The following MEI4 variants were observed in gnomAD, a reference collection of about 807,000 sequenced individuals.
The protein encoded by MEI4 is meiosis-specific protein MEI4.
In MEI4, 27 loss-of-function variants were observed where a neutral mutation model predicts 31.4. That is an observed-to-expected ratio of 0.86 (90% CI 0.63 to 1.19). The LOEUF is 1.19. MEI4 is among the 50% of genes most tolerant of loss of function. The probability of loss-of-function intolerance (pLI) is 0.00; values close to 1 mark genes in which losing one functional copy is unlikely to be tolerated. For synonymous variants in MEI4, 122 were observed against 145.4 expected, an observed-to-expected ratio of 0.84 and a Z score of 1.16; for missense variants, 329 against 398.9, an observed-to-expected ratio of 0.82 and a Z score of 1.49.
intron 2 of MEI4, among the ~76,000 whole-genome samples, chr6:77,691,162 G>T (rs1405481350): frequency 1.3e-5 from 2 of 151,894 alleles, no homozygotes; most frequent in Non-Finnish European, 2.9e-5. Flanking sequence ...AAATCTCATT[G>T]TTCAACTTTA....
At position 77,713,446 on chromosome 6, in the gene MEI4, G is replaced by T. The variant is rs771757496; in HGVS notation, c.232+22543G>T. 2.6e-5 allele frequency among the ~76,000 whole-genome samples: 4 copies of T among 152,134 alleles called. 1 individual carries two copies. Among genetic ancestry groups the T allele is most frequent in the Admixed American group, 2.6e-4 (4 of 15,268 alleles). On this transcript the variant is annotated intron_variant, in intron 2 of 4. Coordinates refer to ENST00000684080, the MANE Select transcript of MEI4 (RefSeq NM_001322247.2). ...CTTATATAAACAACTGAATCTAGCTGTTAAGTAGATTATGTTGTGGAAAAG... is the reference window on the plus strand; with the variant it reads ...CTTATATAAACAACTGAATCTAGCTTTTAAGTAGATTATGTTGTGGAAAAG...
chr6:77,917,203 C>T (rs1006187916), intron 4 of MEI4, among the ~76,000 whole-genome samples: 1 of 151,974 alleles, frequency 6.6e-6, no homozygotes, highest in Admixed American at 6.6e-5. Context: ...CAAGTCTTTG[C>T]TATTGTGAAT....
At chr6:77,889,204 G>A (rs1279716132) in intron 4 of MEI4, among the ~76,000 whole-genome samples, 1 of 152,142 alleles carries the variant, frequency 6.6e-6, no homozygotes, top group African/African-American at 2.4e-5. Flanking sequence ...CTTTGGAACT[G>A]GGTAATAGGC....
At chr6:77,805,165 A>G (rs1366234811) in intron 3 of MEI4, among the ~76,000 whole-genome samples, 2 of 152,156 alleles carry the variant, frequency 1.3e-5, no homozygotes, top group Non-Finnish European at 2.9e-5. Flanking sequence ...AATAATATGT[A>G]AAAATATGAT....
intron 3 of MEI4, among the ~76,000 whole-genome samples, chr6:77,818,080 C>T (rs955793855): frequency 6.6e-6 from 1 of 152,052 alleles, no homozygotes; most frequent in African/African-American, 2.4e-5. Context: ...TAAATTAGAG[C>T]TAGTTTTGTG....
At chr6:77,656,625 A>G (rs1768402258) in intron 1 of MEI4, among the ~76,000 whole-genome samples, 1 of 152,224 alleles carries the variant, frequency 6.6e-6, no homozygotes, top group African/African-American at 2.4e-5. Flanking sequence ...CTGAAAGAAC[A>G]TTAGTTTCTT....
chr6:77,742,105 C>T (rs1342346242), intron 2 of MEI4, among the ~76,000 whole-genome samples: 10 of 152,028 alleles, frequency 6.6e-5, no homozygotes, highest in Admixed American at 6.6e-4. Flanking sequence ...TTTATAGCAG[C>T]ATGATTTATA....
intron 4 of MEI4, among the ~76,000 whole-genome samples, chr6:77,883,742 A>ATG (rs1554172121): frequency 2.1e-5 from 3 of 139,856 alleles, no homozygotes; most frequent in African/African-American, 8.4e-5. Context: ...ATATATATAT[A>ATG]TAACTTTGTC....
At chr6:77,908,466 G>A (rs187054970) in intron 4 of MEI4, among the ~76,000 whole-genome samples, 36 of 152,100 alleles carry the variant, frequency 2.4e-4, no homozygotes, top group Middle Eastern at 6.8e-3. Flanking sequence ...GTAGATATGC[G>A]GCATTATTTC....
At chr6:77,796,709 G>T (rs1010617813) in intron 3 of MEI4, among the ~76,000 whole-genome samples, 1 of 152,102 alleles carries the variant, frequency 6.6e-6, no homozygotes, top group Non-Finnish European at 1.5e-5. Flanking sequence ...AAAGACAAGA[G>T]TTTAAACATA....
intron 2 of MEI4, among the ~76,000 whole-genome samples, chr6:77,751,259 C>T (rs896332811): frequency 6.6e-6 from 1 of 151,738 alleles, no homozygotes; most frequent in Non-Finnish European, 1.5e-5. Flanking sequence ...CAAGAAATAA[C>T]TAAGATCAGA....
At chr6:77,828,868 C>G (rs1156463007) in intron 3 of MEI4, 63 bp from the exon 4 acceptor site, 1 of 1,191,426 alleles carries the variant, frequency 8.4e-7, no homozygotes, top group African/African-American at 1.6e-5. Context: ...GTAGTAAGGT[C>G]TTAGAAAATA....
chr6:77,746,638 CGTGTGTGTGTGTGTGTGT>C lies in MEI4; in HGVS notation c.233-14473_233-14456del, dbSNP rs5877568. ...TAAGTCAGTTTCTTAAAATATATGG[CGTGTGTGTGTGTGTGTGT>C]GTGTGTGTGTGTGTGTGTATGAATA... On this transcript the variant is annotated intron_variant, in intron 2 of 4. Coordinates refer to ENST00000684080, the MANE Select transcript of MEI4 (RefSeq NM_001322247.2). Among the ~76,000 whole-genome samples the C allele has an allele frequency of 1.5e-4, 20 of 136,656 alleles. No individual in the cohort carries two copies. The East Asian group carries it at 2.7e-3, about 18-fold the overall frequency. The allele number at this position is 136,656 out of a possible 152,430, so 89.7% of individuals were successfully genotyped here. A position where few individuals can be genotyped will look rare whatever the true frequency, so the allele number is the denominator to read the frequency against.
intron 3 of MEI4, among the ~76,000 whole-genome samples, chr6:77,790,702 C>T (rs1452060654): frequency 6.6e-6 from 1 of 152,016 alleles, no homozygotes; most frequent in African/African-American, 2.4e-5. Context: ...CATGATCATA[C>T]TGTGAAAAGT....
chr6:77,688,908 G>T (rs561274457), intron 1 of MEI4, among the ~76,000 whole-genome samples: 8 of 152,180 alleles, frequency 5.3e-5, no homozygotes, highest in Middle Eastern at 6.8e-3. Flanking sequence ...GGATGATCCA[G>T]GGAGTGAAAT....
intron 2 of MEI4, among the ~76,000 whole-genome samples, chr6:77,740,349 G>C (rs1458131689): frequency 6.6e-6 from 1 of 151,980 alleles, no homozygotes; most frequent in Non-Finnish European, 1.5e-5. Context: ...TGATGAGTTG[G>C]GTCCTCAATA....
chr6:77,781,272 A>ACAGT (rs1220364580), intron 3 of MEI4, among the ~76,000 whole-genome samples: 1 of 152,130 alleles, frequency 6.6e-6, no homozygotes, highest in Admixed American at 6.6e-5. Context: ...ATCACATGAT[A>ACAGT]ATTAGGGATT....
intron 4 of MEI4, among the ~76,000 whole-genome samples, chr6:77,905,938 C>T (rs1428728938): frequency 2.0e-5 from 3 of 151,434 alleles, no homozygotes; most frequent in Non-Finnish European, 2.9e-5. Context: ...TTTCAAATAA[C>T]TTGTCTCTAA....
At chr6:77,864,362 C>A (rs1217613333) in intron 4 of MEI4, among the ~76,000 whole-genome samples, 1 of 151,960 alleles carries the variant, frequency 6.6e-6, no homozygotes, top group Admixed American at 6.6e-5. Flanking sequence ...CACACATAGG[C>A]TCAAAATAAA....
Sources: gnomAD v4.1 joint callset for allele counts (sites outside exome capture counted in the v4.1 genomes callset) on GRCh38, gnomAD v4.1.1 for gene constraint, MANE v1.5 for transcripts, NCBI Gene and HGNC (gene_info 2026-07-23, HGNC 2026-07-21) for gene names.